The following ARL8B variants were observed in gnomAD, a reference collection of about 807,000 sequenced individuals.
ARL8B encodes ARF like GTPase 8B.
ARL8B carries 9 observed loss-of-function variants against 30.6 expected under a neutral mutation model. The observed-to-expected ratio is 0.29, with a 90% CI of 0.18 to 0.51. The LOEUF (loss-of-function observed/expected upper bound fraction) is 0.51, where lower values mean the gene tolerates loss of function less well. Ranked by LOEUF, ARL8B falls within the 20% of genes least tolerant of loss-of-function variation. The pLI is 0.97. For missense variants in ARL8B, 130 were observed against 227.2 expected, an observed-to-expected ratio of 0.57 and a Z score of 2.75; for synonymous variants, 74 against 76.0, an observed-to-expected ratio of 0.97 and a Z score of 0.14.
chr3:5,172,285 T>G, intron 3 of ARL8B, 62 bp downstream of exon 3: 7 of 1,427,748 alleles, frequency 4.9e-6, no homozygotes, highest in Non-Finnish European at 6.8e-6. Flanking sequence ...GAAGAAAGTT[T>G]ATTTTAGTAT....
intron 1 of ARL8B, among the ~76,000 whole-genome samples, chr3:5,137,816 C>CGGCCTCA (rs1449183567): frequency 3.3e-5 from 5 of 151,930 alleles, no homozygotes; most frequent in Non-Finnish European, 5.9e-5. Context: ...TTCAAACTCC[C>CGGCCTCA]GGCCTCAAGT....
intron 1 of ARL8B, chr3:5,128,553 T>A: frequency 2.6e-6 from 1 of 392,038 alleles, no homozygotes; most frequent in South Asian, 1.9e-5. Flanking sequence ...ATTTCACAAG[T>A]TAATGGATTT....
intron 1 of ARL8B, among the ~76,000 whole-genome samples, chr3:5,123,279 C>T (rs1262891216): frequency 1.3e-5 from 2 of 152,044 alleles, no homozygotes; most frequent in Non-Finnish European, 2.9e-5. Flanking sequence ...AGTTAACTAC[C>T]CTGCGAAAGA....
At chr3:5,129,163 C>T (rs2054259091) in intron 1 of ARL8B, among the ~76,000 whole-genome samples, 1 of 129,558 alleles carries the variant, frequency 7.7e-6, no homozygotes, top group Non-Finnish European at 1.6e-5. Flanking sequence ...AAGGTCTGAA[C>T]AGTTTTTGTT....
chr3:5,164,817 T>C (rs1411639797), intron 1 of ARL8B, among the ~76,000 whole-genome samples: 1 of 152,258 alleles, frequency 6.6e-6, no homozygotes, highest in Non-Finnish European at 1.5e-5. Flanking sequence ...GATCATGTAC[T>C]GCTTTTAATT....
intron 1 of ARL8B, among the ~76,000 whole-genome samples, chr3:5,124,211 C>G (rs1214644070): frequency 6.8e-6 from 1 of 147,896 alleles, no homozygotes; most frequent in African/African-American, 2.5e-5. Flanking sequence ...GAATGACTAT[C>G]TTTCCGCAGG....
At chr3:5,144,629 G>C (rs1403132635) in intron 1 of ARL8B, among the ~76,000 whole-genome samples, 1 of 152,096 alleles carries the variant, frequency 6.6e-6, no homozygotes, top group Non-Finnish European at 1.5e-5. Flanking sequence ...CTCCTTTCTG[G>C]TAAACTGGGG....
chr3:5,124,862 G>A (rs77862355), intron 1 of ARL8B, among the ~76,000 whole-genome samples: 14 of 152,278 alleles, frequency 9.2e-5, no homozygotes, highest in South Asian at 2.1e-4. Context: ...ATGAGAATTG[G>A]AGTCATCTTG....
intron 1 of ARL8B, chr3:5,157,972 GT>G (rs1030854291): frequency 1.6e-4 from 23 of 146,936 alleles, no homozygotes; most frequent in East Asian, 6.0e-4. Context: ...CCTCAGATAG[GT>G]TTTTTTTTTT....
intron 1 of ARL8B, among the ~76,000 whole-genome samples, chr3:5,132,734 C>T (rs947490322): frequency 2.6e-5 from 4 of 152,152 alleles, no homozygotes; most frequent in Non-Finnish European, 5.9e-5. Context: ...TATACCTACT[C>T]CATGCATGTT....
chr3:5,179,728 TTC>T lies in ARL8B; in HGVS notation c.*1021_*1022del, dbSNP rs1189780902. The T allele has an allele frequency of 6.6e-6, 1 of 152,528 alleles. No individual in the cohort carries two copies. The highest frequency in any genetic ancestry group is 2.4e-5 in the African/African-American group (1 of 41,466). 9.4% of individuals were successfully genotyped at this position (152,528 alleles called of 1,614,324 possible). The stretch of plus-strand genomic sequence containing the variant: ...ATAAACAAATAAAAAATTTTTATTT[TTC>T]TCTCTTACTGATGTAAGCTTTGGCA... On this transcript the variant is annotated 3_prime_UTR_variant, in exon 7 of 7. Transcript: ENST00000256496.
chr3:5,177,505 G>C (rs1224881598), intron 6 of ARL8B, among the ~76,000 whole-genome samples: 1 of 147,924 alleles, frequency 6.8e-6, no homozygotes, highest in African/African-American at 2.5e-5. Flanking sequence ...TGGCCCAGCT[G>C]GAGTGCAGTG....
rs752634076 is a variant in ARL8B at position 5,122,396 on chromosome 3, C to T, written c.-70C>T. On this transcript the variant is annotated 5_prime_UTR_variant, in exon 1 of 7. Coordinates refer to ENST00000256496, the MANE Select transcript of ARL8B (RefSeq NM_018184.3). The stretch of plus-strand genomic sequence containing the variant: ...CCGTTGGAGGGTCCGGGCGGAGGCC[C>T]GCTCGTGTGGAAGTCGTCGACGCCG... 4 of 1,603,176 alleles carry T rather than the reference C, an allele frequency of 2.5e-6. No homozygotes were observed. The highest frequency in any genetic ancestry group is 2.3e-5 in the East Asian group (1 of 44,282).
Position 5,174,750 on chromosome 3 carries a change from A to T in ARL8B, c.511+336A>T, listed in dbSNP as rs534228949. ...ATATGTAATATATATGTAATATATA[A>T]TATATATAAATATATATTATATATA... On this transcript the variant is annotated intron_variant, in intron 6 of 6. Coordinates refer to ENST00000256496, the MANE Select transcript of ARL8B (RefSeq NM_018184.3). 1.8e-4 allele frequency among the ~76,000 whole-genome samples: 26 copies of T among 144,750 alleles called. No homozygotes were observed. The South Asian group carries it at 3.2e-3, about 18-fold the overall frequency. 95.0% of individuals were successfully genotyped at this position (144,750 alleles called of 152,430 possible).
chr3:5,150,592 G>A (rs1025139334), intron 1 of ARL8B, among the ~76,000 whole-genome samples: 8 of 151,842 alleles, frequency 5.3e-5, no homozygotes, highest in Non-Finnish European at 1.2e-4. Context: ...AGACCAGCCT[G>A]GCCAACATGG....
chr3:5,169,305 TTGTGTGTGTGTGTGTGTGTGTGTG>T (rs10575722), intron 1 of ARL8B, among the ~76,000 whole-genome samples: 4 of 142,888 alleles, frequency 2.8e-5, no homozygotes, highest in South Asian at 2.2e-4. Context: ...AATACAGTGT[TTGTGTGTGTGTGTGTGTGTGTGTG>T]TGTGTGTGTG....
At chr3:5,175,101 A>G (rs567851214) in intron 6 of ARL8B, among the ~76,000 whole-genome samples, 21 of 152,196 alleles carry the variant, frequency 1.4e-4, no homozygotes, top group South Asian at 8.3e-4. Flanking sequence ...CCTATATGTT[A>G]TCAAACTCTT....
At position 5,170,788 on chromosome 3, in the gene ARL8B, G is replaced by A; in HGVS notation, c.204+205G>A. On this transcript the variant is annotated intron_variant, in intron 2 of 6. Transcript: ENST00000256496. Reference sequence around the variant, plus strand: ...GCTCTTTCACCCAGGCTGGAGTGCAGTGTCGCGATCTCCACTCACTGCAAC... The same window carrying A: ...GCTCTTTCACCCAGGCTGGAGTGCAATGTCGCGATCTCCACTCACTGCAAC... The A allele has an allele frequency of 4.5e-6, 2 of 440,578 alleles. 1 individual carries two copies. Among genetic ancestry groups the A allele is most frequent in the South Asian group, 5.0e-5 (2 of 39,896 alleles). 27.3% of individuals were successfully genotyped at this position (440,578 alleles called of 1,614,324 possible). A position where few individuals can be genotyped will look rare whatever the true frequency, so the allele number is the denominator to read the frequency against.
intron 1 of ARL8B, among the ~76,000 whole-genome samples, chr3:5,161,579 G>C (rs2054581210): frequency 6.6e-6 from 1 of 152,240 alleles, no homozygotes; most frequent in African/African-American, 2.4e-5. Context: ...GTTTGAGCTA[G>C]TATAGGCACT....
Sources: gnomAD v4.1 joint callset for allele counts (sites outside exome capture counted in the v4.1 genomes callset) on GRCh38, gnomAD v4.1.1 for gene constraint, MANE v1.5 for transcripts, NCBI Gene and HGNC (gene_info 2026-07-23, HGNC 2026-07-21) for gene names.